THRB: variants seen among roughly 807,000 people sequenced by gnomAD.
THRB encodes the protein nuclear receptor subfamily 1 group A member 2.
A neutral mutation model predicts 47.8 loss-of-function variants in THRB; 12 were observed. The ratio of observed to expected loss-of-function variants is 0.25; its 90% CI spans 0.16 to 0.41. THRB has a LOEUF of 0.41. Among genes scored for constraint, THRB ranks in the 10% least tolerant of loss-of-function variants. The probability of loss-of-function intolerance (pLI) is 1.00; values close to 1 mark genes in which losing one functional copy is unlikely to be tolerated. For missense variants in THRB, 348 were observed against 589.2 expected (o/e 0.59, Z 4.24); for synonymous variants, 218 against 212.2 (o/e 1.03, Z -0.24).
intron 1 of THRB, among the ~76,000 whole-genome samples, chr3:24,457,676 CTATTTT>C (rs2073316770): frequency 6.6e-6 from 1 of 152,076 alleles, no homozygotes; most frequent in Non-Finnish European, 1.5e-5. Context: ...TTCATCTTTC[CTATTTT>C]TATTTTTTCT....
chr3:24,281,040 C>G (rs1345897888), intron 3 of THRB, among the ~76,000 whole-genome samples: 1 of 152,036 alleles, frequency 6.6e-6, no homozygotes, highest in Non-Finnish European at 1.5e-5. Context: ...AGAACTTCCC[C>G]AATCTAGCAA....
At chr3:24,314,228 G>T (rs1287427243) in intron 2 of THRB, among the ~76,000 whole-genome samples, 3 of 152,154 alleles carry the variant, frequency 2.0e-5, no homozygotes, top group Admixed American at 6.5e-5. Context: ...CCAAATCCAG[G>T]TCCTGGTGAA....
intron 2 of THRB, among the ~76,000 whole-genome samples, chr3:24,311,452 A>G (rs191955348): frequency 1.9e-3 from 289 of 152,096 alleles, no homozygotes; most frequent in African/African-American, 6.6e-3. Context: ...CCAACCATCT[A>G]TTTTCAGAAT....
Position 24,469,909 on chromosome 3 carries a change from A to T in THRB, c.-261+24743T>A, listed in dbSNP as rs537137790. 2.0e-5 allele frequency among the ~76,000 whole-genome samples: 3 copies of T among 152,358 alleles called. No individual in the cohort carries two copies. In the East Asian group the frequency reaches 5.8e-4, roughly 29 times the overall value. On this transcript the variant is annotated intron_variant, in intron 1 of 10. Transcript: ENST00000646209. Reference sequence around the variant, plus strand: ...AGGGAAACAATGGAACAATCTGATGAAGACTGACACTTCAAATGAATGAAG... The same window carrying T: ...AGGGAAACAATGGAACAATCTGATGTAGACTGACACTTCAAATGAATGAAG...
intron 1 of THRB, among the ~76,000 whole-genome samples, chr3:24,387,642 T>A (rs2066231283): frequency 6.6e-6 from 1 of 152,112 alleles, no homozygotes. Flanking sequence ...CAGTAGGCTA[T>A]CAAAAAGCAC....
intron 1 of THRB, among the ~76,000 whole-genome samples, chr3:24,464,615 T>A (rs1175548161): frequency 1.3e-5 from 2 of 152,202 alleles, no homozygotes; most frequent in Non-Finnish European, 2.9e-5. Flanking sequence ...CATTTACTTT[T>A]AATGTGATTA....
chr3:24,462,174 A>C (rs2073761254), intron 1 of THRB, among the ~76,000 whole-genome samples: 1 of 152,174 alleles, frequency 6.6e-6, no homozygotes, highest in South Asian at 2.1e-4. Context: ...AAAAAAAAAA[A>C]ACTTTTCAGC....
chr3:24,237,015 T>C (rs1258897421), intron 3 of THRB, among the ~76,000 whole-genome samples: 1 of 152,190 alleles, frequency 6.6e-6, no homozygotes, highest in Non-Finnish European at 1.5e-5. Flanking sequence ...TTTGGGAATG[T>C]AGTATCAAAA....
At chr3:24,218,388 G>A (rs2046832453) in intron 4 of THRB, among the ~76,000 whole-genome samples, 1 of 141,114 alleles carries the variant, frequency 7.1e-6, no homozygotes. Context: ...TAGCTGTACG[G>A]AAAATTCTTT....
intron 5 of THRB, among the ~76,000 whole-genome samples, chr3:24,188,488 A>G (rs1187845804): frequency 1.3e-5 from 2 of 152,196 alleles, no homozygotes; most frequent in Non-Finnish European, 2.9e-5. Context: ...TTTAAGATGC[A>G]TAGATTTATT....
At chr3:24,473,612 T>A (rs543045807) in intron 1 of THRB, among the ~76,000 whole-genome samples, 5 of 152,318 alleles carry the variant, frequency 3.3e-5, no homozygotes, top group Non-Finnish European at 7.3e-5. Context: ...GGATTATAAA[T>A]CATTCTACTG....
chr3:24,402,743 T>G (rs931489678), intron 1 of THRB, among the ~76,000 whole-genome samples: 6 of 152,012 alleles, frequency 3.9e-5, no homozygotes, highest in African/African-American at 1.4e-4. Context: ...GTTTTATAAA[T>G]AATGATGGCC....
At chr3:24,486,637 G>A (rs1363468341) in intron 1 of THRB, 1 of 152,180 alleles carries the variant, frequency 6.6e-6, no homozygotes, top group Non-Finnish European at 1.5e-5. Context: ...AGATTAATAA[G>A]CCAGATGCCT....
intron 2 of THRB, among the ~76,000 whole-genome samples, chr3:24,322,222 C>A (rs1489490458): frequency 6.6e-6 from 1 of 152,130 alleles, no homozygotes; most frequent in Non-Finnish European, 1.5e-5. Context: ...TACAGGTATA[C>A]ACTTCACTTT....
At chr3:24,398,020 T>C (rs1468177011) in intron 1 of THRB, among the ~76,000 whole-genome samples, 1 of 152,096 alleles carries the variant, frequency 6.6e-6, no homozygotes, top group African/African-American at 2.4e-5. Context: ...AACAAAACAA[T>C]AATTCAAAGC....
At chr3:24,325,831 C>T (rs1007011087) in intron 2 of THRB, among the ~76,000 whole-genome samples, 1 of 152,140 alleles carries the variant, frequency 6.6e-6, no homozygotes, top group Non-Finnish European at 1.5e-5. Flanking sequence ...AATTTTCCAA[C>T]ATGTAATAAA....
intron 3 of THRB, among the ~76,000 whole-genome samples, chr3:24,244,931 A>T (rs2049956377): frequency 6.6e-6 from 1 of 152,184 alleles, no homozygotes; most frequent in African/African-American, 2.4e-5. Flanking sequence ...TGAAGGGGGA[A>T]ACTTTCTTTC....
intron 8 of THRB, among the ~76,000 whole-genome samples, chr3:24,142,909 A>T (rs79333242): frequency 1.3e-5 from 2 of 152,236 alleles, no homozygotes; most frequent in Admixed American, 6.5e-5. Context: ...GGTAATTTTT[A>T]TAAGAATATT....
chr3:24,210,932 C>T (rs2045957201), intron 4 of THRB, among the ~76,000 whole-genome samples: 1 of 151,772 alleles, frequency 6.6e-6, no homozygotes, highest in Non-Finnish European at 1.5e-5. Context: ...AGTGCGGTGG[C>T]TCATGCCTGT....
Sources: gnomAD v4.1 joint callset for allele counts (sites outside exome capture counted in the v4.1 genomes callset) on GRCh38, gnomAD v4.1.1 for gene constraint, MANE v1.5 for transcripts, NCBI Gene and HGNC (gene_info 2026-07-23, HGNC 2026-07-21) for gene names.